ADAMTS6: variants seen among roughly 807,000 people sequenced by gnomAD.
ADAMTS6 encodes ADAM metallopeptidase with thrombospondin type 1 motif 6, also known as A disintegrin and metalloproteinase with thrombospondin motifs 6.
Under a neutral mutation model 144.3 loss-of-function variants are expected in ADAMTS6, and 23 were observed. The ratio of observed to expected loss-of-function variants is 0.16; its 90% CI spans 0.11 to 0.23. The LOEUF (loss-of-function observed/expected upper bound fraction) is 0.23. Among genes scored for constraint, ADAMTS6 ranks in the 10% least tolerant of loss-of-function variants. The probability of loss-of-function intolerance (pLI) is 1.00; values close to 1 mark genes in which losing one functional copy is unlikely to be tolerated. For synonymous variants in ADAMTS6, 444 were observed against 457.5 expected (o/e 0.97, Z 0.38); for missense variants, 999 against 1,379.6 (o/e 0.72, Z 4.37).
At chr5:65,413,981 A>T (rs1285844306) in intron 7 of ADAMTS6, among the ~76,000 whole-genome samples, 2 of 152,190 alleles carry the variant, frequency 1.3e-5, no homozygotes, top group South Asian at 2.1e-4. Flanking sequence ...GAATCTGAGA[A>T]ACAGCAGGCA....
Position 65,197,072 on chromosome 5 carries a change from A to T in ADAMTS6, c.2655T>A (p.Ser885Arg), listed in dbSNP as rs1755435036. 1.2e-6 allele frequency: 2 copies of T among 1,614,034 alleles called. No homozygotes were observed. Among genetic ancestry groups the T allele is most frequent in the Non-Finnish European group, 1.7e-6 (2 of 1,179,944 alleles). ...IVQNNYCDPDSKPPENQRACN... is the reference protein window; with the variant it reads ...IVQNNYCDPDRKPPENQRACN... ...AGGCTCTTTGATTTTCAGGTGGCTT[A>T]CTGTCAGGATCACAGTAATTGTTCT... Residue 885 changes from serine to arginine, a missense_variant, in exon 21 of 25, where the codon AGT becomes AGA. Physicochemically the swap from Ser to Arg is moderately radical, Grantham distance 110. This residue lies in a region of ADAMTS6 where 619 missense variants were observed against 837.0 expected (regional missense o/e 0.74). Coordinates refer to ENST00000381055, the MANE Select transcript of ADAMTS6 (RefSeq NM_197941.4).
intron 7 of ADAMTS6, among the ~76,000 whole-genome samples, chr5:65,422,174 T>C (rs1343833095): frequency 6.6e-6 from 1 of 151,918 alleles, no homozygotes; most frequent in Non-Finnish European, 1.5e-5. Flanking sequence ...AAAGAAGATA[T>C]ACAAATGGCC....
At chr5:65,207,901 A>G (rs540084688) in intron 20 of ADAMTS6, among the ~76,000 whole-genome samples, 1 of 152,370 alleles carries the variant, frequency 6.6e-6, no homozygotes, top group South Asian at 2.1e-4. Context: ...AAATCTGTTT[A>G]GCACAATTTC....
intron 22 of ADAMTS6, 42 bp downstream of exon 22, chr5:65,187,974 G>A: frequency 6.3e-7 from 1 of 1,596,754 alleles, no homozygotes. Flanking sequence ...TAGATAGTTA[G>A]GACATTTCAA....
At chr5:65,279,777 CCTT>C (rs1323101567) in intron 11 of ADAMTS6, among the ~76,000 whole-genome samples, 2 of 152,164 alleles carry the variant, frequency 1.3e-5, no homozygotes, top group Non-Finnish European at 1.5e-5. Context: ...TTAAGTTAGA[CCTT>C]CTCATTTCAA....
chr5:65,391,421 C>G (rs1487292459), intron 7 of ADAMTS6, among the ~76,000 whole-genome samples: 1 of 35,134 alleles, frequency 2.8e-5, no homozygotes, highest in Non-Finnish European at 5.8e-5. Context: ...TGTCTCTCTA[C>G]ACACACACAC....
chr5:65,314,113 A>G (rs1446767122), intron 9 of ADAMTS6, among the ~76,000 whole-genome samples: 1 of 152,186 alleles, frequency 6.6e-6, no homozygotes, highest in Non-Finnish European at 1.5e-5. Flanking sequence ...ACAGCTTTAA[A>G]GGAAAAAGTA....
chr5:65,366,475 T>C (rs968203383), intron 7 of ADAMTS6, among the ~76,000 whole-genome samples: 3 of 152,202 alleles, frequency 2.0e-5, no homozygotes, highest in African/African-American at 7.2e-5. Context: ...ACCAAGAAGT[T>C]AGTCACAATG....
intron 20 of ADAMTS6, chr5:65,210,988 C>A: frequency 5.6e-6 from 1 of 179,198 alleles, no homozygotes. Flanking sequence ...AACAAAAAAC[C>A]AACAAAAAAA....
At chr5:65,349,792 T>C (rs1580461081) in intron 7 of ADAMTS6, among the ~76,000 whole-genome samples, 1 of 151,482 alleles carries the variant, frequency 6.6e-6, no homozygotes, top group African/African-American at 2.4e-5. Flanking sequence ...GAGGCGGAGG[T>C]TGCAGTGAGC....
At chr5:65,252,402 C>T (rs560418431) in intron 14 of ADAMTS6, among the ~76,000 whole-genome samples, 56 of 151,690 alleles carry the variant, frequency 3.7e-4, no homozygotes, top group Admixed American at 1.4e-3. Context: ...CAACCACGCC[C>T]GGCTAATTTT....
chr5:65,167,252 C>G (rs1486838135), intron 24 of ADAMTS6, among the ~76,000 whole-genome samples: 1 of 151,638 alleles, frequency 6.6e-6, no homozygotes, highest in Non-Finnish European at 1.5e-5. Context: ...ATACTACAAA[C>G]ACCTCTACGC....
intron 9 of ADAMTS6, among the ~76,000 whole-genome samples, chr5:65,323,179 C>T (rs894081099): frequency 1.4e-4 from 21 of 151,318 alleles, no homozygotes; most frequent in Non-Finnish European, 7.4e-5. Flanking sequence ...GGTTTGTTAC[C>T]TATGTATACA....
At chr5:65,218,811 T>C (rs188562192) in intron 18 of ADAMTS6, among the ~76,000 whole-genome samples, 66 of 151,230 alleles carry the variant, frequency 4.4e-4, no homozygotes, top group African/African-American at 1.4e-3. Context: ...TATAAAGAAG[T>C]AGAAAGTATT....
chr5:65,359,778 T>G, intron 7 of ADAMTS6, among the ~76,000 whole-genome samples: 1 of 151,986 alleles, frequency 6.6e-6, no homozygotes, highest in East Asian at 1.9e-4. Flanking sequence ...AGACAAATAC[T>G]GATTCGTGTA....
intron 9 of ADAMTS6, among the ~76,000 whole-genome samples, chr5:65,307,307 G>C (rs1411599809): frequency 6.6e-6 from 1 of 152,126 alleles, no homozygotes; most frequent in Non-Finnish European, 1.5e-5. Context: ...TGAGCAAAAA[G>C]TATGTTTTAT....
chr5:65,357,074 A>C (rs1285542695), intron 7 of ADAMTS6, among the ~76,000 whole-genome samples: 1 of 151,798 alleles, frequency 6.6e-6, no homozygotes, highest in African/African-American at 2.4e-5. Context: ...AAAAGCATAA[A>C]TAATAGAATT....
At chr5:65,344,904 G>A (rs906785607) in intron 7 of ADAMTS6, among the ~76,000 whole-genome samples, 5 of 151,690 alleles carry the variant, frequency 3.3e-5, no homozygotes, top group East Asian at 1.9e-4. Flanking sequence ...CTAATTCTTC[G>A]GATTCTTTTC....
At chr5:65,259,462 G>T (rs1242923701) in intron 14 of ADAMTS6, among the ~76,000 whole-genome samples, 3 of 152,090 alleles carry the variant, frequency 2.0e-5, no homozygotes, top group Non-Finnish European at 4.4e-5. Flanking sequence ...TAATGTAAAA[G>T]AACAACTAAA....
Sources: gnomAD v4.1 joint callset for allele counts (sites outside exome capture counted in the v4.1 genomes callset) on GRCh38, gnomAD v4.1.1 for gene constraint, gnomAD v4.1.1 regional missense constraint, MANE v1.5 for transcripts, NCBI Gene and HGNC (gene_info 2026-07-23, HGNC 2026-07-21) for gene names.